The following ENAH variants were observed in gnomAD, a reference collection of about 807,000 sequenced individuals.
The protein encoded by ENAH is ENAH actin regulator.
In ENAH, 23 loss-of-function variants were observed where a neutral mutation model predicts 78.7. The ratio of observed to expected loss-of-function variants is 0.29; its 90% CI spans 0.21 to 0.41. ENAH has a LOEUF of 0.41. Ranked by LOEUF, ENAH falls within the 10% of genes least tolerant of loss-of-function variation. The probability of loss-of-function intolerance (pLI) is 1.00; values close to 1 mark genes in which losing one functional copy is unlikely to be tolerated. For missense variants in ENAH, 544 were observed against 691.0 expected (o/e 0.79, Z 2.39); for synonymous variants, 226 against 241.0 (o/e 0.94, Z 0.58).
intron 1 of ENAH, among the ~76,000 whole-genome samples, chr1:225,578,995 C>T (rs1057060572): frequency 1.6e-4 from 24 of 152,208 alleles, no homozygotes; most frequent in African/African-American, 5.8e-4. Flanking sequence ...TTACTAAGTG[C>T]CATATATGGT....
intron 1 of ENAH, 144 bp downstream of exon 1, chr1:225,652,542 C>G: frequency 9.4e-7 from 1 of 1,067,008 alleles, no homozygotes; most frequent in Non-Finnish European, 1.2e-6. Context: ...TTGGAAGGGA[C>G]AAAAGGCGGA....
At chr1:225,580,848 C>G (rs913962437) in intron 1 of ENAH, among the ~76,000 whole-genome samples, 29 of 148,846 alleles carry the variant, frequency 1.9e-4, no homozygotes, top group African/African-American at 7.2e-4. Flanking sequence ...TTGCAGTGAG[C>G]CGAGATCGCA....
intron 2 of ENAH, among the ~76,000 whole-genome samples, chr1:225,555,426 CA>C (rs1302607353): frequency 1.3e-5 from 2 of 151,888 alleles, no homozygotes; most frequent in Non-Finnish European, 2.9e-5. Context: ...ACTAAAAATA[CA>C]AAAAATTAGC....
intron 1 of ENAH, among the ~76,000 whole-genome samples, chr1:225,605,275 C>T (rs2096951000): frequency 6.6e-6 from 1 of 152,154 alleles, no homozygotes; most frequent in African/African-American, 2.4e-5. Context: ...GGGAAGGATA[C>T]AAAACACTAC....
intron 1 of ENAH, among the ~76,000 whole-genome samples, chr1:225,632,778 C>T (rs983817280): frequency 6.6e-6 from 1 of 152,100 alleles, no homozygotes; most frequent in Admixed American, 6.6e-5. Flanking sequence ...GGCGCAGACG[C>T]CCCCCAGGGC....
chr1:225,506,985 ATACT>A (rs2151081913), intron 11 of ENAH, among the ~76,000 whole-genome samples: 1 of 152,138 alleles, frequency 6.6e-6, no homozygotes, highest in East Asian at 1.9e-4. Context: ...TTCTAAATAC[ATACT>A]TTTTTTTTTT....
intron 10 of ENAH, 58 bp from the exon 11 acceptor site, chr1:225,508,075 A>C: frequency 8.8e-7 from 1 of 1,132,002 alleles, no homozygotes; most frequent in Non-Finnish European, 1.2e-6. Flanking sequence ...AGTTATTATA[A>C]AACAAATAAC....
At chr1:225,515,971 C>T (rs993271223) in intron 6 of ENAH, among the ~76,000 whole-genome samples, 5 of 152,168 alleles carry the variant, frequency 3.3e-5, no homozygotes, top group African/African-American at 1.2e-4. Flanking sequence ...AAGTCAACAA[C>T]AACAAAATAT....
In ENAH at chr1:225,519,419, T is replaced by C. The variant is rs774003069; in HGVS notation, c.581A>G (p.Glu194Gly). 6.2e-7 allele frequency: 1 copy of C among 1,612,236 alleles called. No homozygotes were observed. The highest frequency in any genetic ancestry group is 8.5e-7 in the Non-Finnish European group (1 of 1,179,444). Reference protein sequence around the residue: ...ERLEQEQLERERQERERQERL... With the variant: ...ERLEQEQLERGRQERERQERL... ...TTCCTGCCGTTCCCGTTCTTGTCTC[T>C]CTCTCTCCAGCTGTTCTTGTTCCAG... The change falls in exon 5 of 14, where the codon GAG (glutamate) becomes GGG (glycine). Residue 194 changes from glutamate to glycine, a missense_variant. This residue lies in a region of ENAH where 366 missense variants were observed against 396.1 expected (regional missense o/e 0.92). Transcript: ENST00000366843.
At chr1:225,552,505 G>A (rs1162511989) in intron 3 of ENAH, among the ~76,000 whole-genome samples, 1 of 152,098 alleles carries the variant, frequency 6.6e-6, no homozygotes, top group Non-Finnish European at 1.5e-5. Flanking sequence ...TCAAAAATAA[G>A]AAATAGTATT....
At chr1:225,503,937 A>C (rs543670090) in intron 11 of ENAH, among the ~76,000 whole-genome samples, 1 of 152,116 alleles carries the variant, frequency 6.6e-6, no homozygotes, top group South Asian at 2.1e-4. Flanking sequence ...AATATATTTC[A>C]GTTATTTCTA....
At chr1:225,606,307 T>TA (rs2096955192) in intron 1 of ENAH, among the ~76,000 whole-genome samples, 1 of 151,550 alleles carries the variant, frequency 6.6e-6, no homozygotes, top group African/African-American at 2.4e-5. Context: ...ACTAAAAATA[T>TA]AAAAATTAGC....
At chr1:225,503,194 T>C (rs867670294) in intron 11 of ENAH, among the ~76,000 whole-genome samples, 1 of 152,214 alleles carries the variant, frequency 6.6e-6, no homozygotes, top group Admixed American at 6.5e-5. Flanking sequence ...ATCACCACTT[T>C]TTTTCTTAAC....
intron 5 of ENAH, 139 bp downstream of exon 5, chr1:225,519,059 C>T (rs1347102506): frequency 3.9e-6 from 5 of 1,275,668 alleles, no homozygotes; most frequent in Non-Finnish European, 5.4e-6. Flanking sequence ...GTAGTAATTG[C>T]TGCATATTTA....
At chr1:225,614,591 TG>T (rs1213700992) in intron 1 of ENAH, among the ~76,000 whole-genome samples, 2 of 152,168 alleles carry the variant, frequency 1.3e-5, no homozygotes, top group Non-Finnish European at 2.9e-5. Context: ...CACTGGCCAC[TG>T]GTTATCAACT....
At chr1:225,652,085 AACTT>A (rs977491426) in intron 1 of ENAH, among the ~76,000 whole-genome samples, 2 of 144,140 alleles carry the variant, frequency 1.4e-5, no homozygotes, top group Admixed American at 1.4e-4. Context: ...CACCCCTACC[AACTT>A]ACTTATCCCA....
rs531964388 is a variant in ENAH at position 225,615,409 on chromosome 1, G to T, written c.5+37277C>A. Among the ~76,000 whole-genome samples the T allele has an allele frequency of 6.4e-3, 978 of 152,272 alleles. 7 individuals are homozygous for T. The highest frequency in any genetic ancestry group is 0.022 in the African/African-American group (907 of 41,560). Reference sequence around the variant, plus strand: ...GGCTCGCTACAACCTCCACCTCCCAGCCGCCTGCCTTGGCCTCCCAAAGTG... The same window carrying T: ...GGCTCGCTACAACCTCCACCTCCCATCCGCCTGCCTTGGCCTCCCAAAGTG... On this transcript the variant is annotated intron_variant, in intron 1 of 13. Transcript: ENST00000366843.
intron 1 of ENAH, among the ~76,000 whole-genome samples, chr1:225,571,704 A>G (rs1273135115): frequency 6.6e-6 from 1 of 152,168 alleles, no homozygotes; most frequent in Non-Finnish European, 1.5e-5. Context: ...CGGACTAGAG[A>G]TCGAGTTCAA....
At chr1:225,514,933 A>T in intron 6 of ENAH, 33 bp from the exon 7 acceptor site, 1 of 1,543,388 alleles carries the variant, frequency 6.5e-7, no homozygotes, top group South Asian at 1.1e-5. Context: ...AAGACCATCA[A>T]CAATAGAGCT....
Sources: gnomAD v4.1 joint callset for allele counts (sites outside exome capture counted in the v4.1 genomes callset) on GRCh38, gnomAD v4.1.1 for gene constraint, gnomAD v4.1.1 regional missense constraint, MANE v1.5 for transcripts, NCBI Gene and HGNC (gene_info 2026-07-23, HGNC 2026-07-21) for gene names.